Variants in GALNTL6 observed in about 807,000 individuals in gnomAD.
The protein encoded by GALNTL6 is polypeptide N-acetylgalactosaminyltransferase like 6.
Under a neutral mutation model 73.7 loss-of-function variants are expected in GALNTL6, and 46 were observed. The ratio of observed to expected loss-of-function variants is 0.62; its 90% CI spans 0.49 to 0.80. The LOEUF (loss-of-function observed/expected upper bound fraction) is 0.80, where lower values mean the gene tolerates loss of function less well. Among genes scored for constraint, GALNTL6 ranks in the 30% least tolerant of loss-of-function variants. The probability of loss-of-function intolerance (pLI) is 0.00; values close to 1 mark genes in which losing one functional copy is unlikely to be tolerated. For synonymous variants in GALNTL6, 259 were observed against 263.7 expected (o/e 0.98, Z 0.17); for missense variants, 604 against 755.0 (o/e 0.80, Z 2.34).
intron 2 of GALNTL6, among the ~76,000 whole-genome samples, chr4:172,202,765 A>T (rs28715352): frequency 0.042 from 6,398 of 152,278 alleles, 426 homozygotes; most frequent in African/African-American, 0.14. Context: ...AATTATTATG[A>T]AACATCAGCA....
intron 3 of GALNTL6, among the ~76,000 whole-genome samples, chr4:172,236,645 T>C (rs1737253062): frequency 6.6e-6 from 1 of 152,222 alleles, no homozygotes; most frequent in South Asian, 2.1e-4. Flanking sequence ...GTTGTTACAT[T>C]ACATTTCTGT....
intron 10 of GALNTL6, among the ~76,000 whole-genome samples, chr4:172,964,324 A>G (rs1226280059): frequency 6.6e-6 from 1 of 152,200 alleles, no homozygotes; most frequent in African/African-American, 2.4e-5. Flanking sequence ...GCAGAATTCT[A>G]AATATCATGT....
chr4:172,804,827 G>A (rs935662153), intron 5 of GALNTL6, among the ~76,000 whole-genome samples: 1 of 152,208 alleles, frequency 6.6e-6, no homozygotes, highest in Non-Finnish European at 1.5e-5. Context: ...ACAGTGAACT[G>A]TACAAGATCA....
chr4:172,829,605 G>T (rs966752052), intron 7 of GALNTL6, among the ~76,000 whole-genome samples: 4 of 152,198 alleles, frequency 2.6e-5, no homozygotes, highest in African/African-American at 7.2e-5. Flanking sequence ...AACCTAAATT[G>T]CAAGTATTTA....
chr4:171,881,595 T>A (rs1736450724), intron 2 of GALNTL6, among the ~76,000 whole-genome samples: 1 of 152,238 alleles, frequency 6.6e-6, no homozygotes, highest in Non-Finnish European at 1.5e-5. Flanking sequence ...CCAGGATCAA[T>A]ACTTTGTATC....
chr4:171,901,488 A>T (rs906982202), intron 2 of GALNTL6, among the ~76,000 whole-genome samples: 4 of 152,174 alleles, frequency 2.6e-5, no homozygotes, highest in African/African-American at 9.7e-5. Context: ...AAGTAAGGAA[A>T]TATTTTTCTT....
chr4:172,861,879 ATC>A (rs2111138251), intron 7 of GALNTL6, among the ~76,000 whole-genome samples: 1 of 152,322 alleles, frequency 6.6e-6, no homozygotes, highest in East Asian at 1.9e-4. Flanking sequence ...AGTCAATTAA[ATC>A]TCTTTCCTTT....
intron 7 of GALNTL6, among the ~76,000 whole-genome samples, chr4:172,817,303 C>T (rs369762451): frequency 1.3e-5 from 2 of 151,498 alleles, no homozygotes; most frequent in Admixed American, 6.6e-5. Context: ...TGGTGGTGCA[C>T]GCCTGTAGTC....
At chr4:172,929,375 T>G (rs1293659628) in intron 8 of GALNTL6, among the ~76,000 whole-genome samples, 3 of 152,148 alleles carry the variant, frequency 2.0e-5, no homozygotes, top group Non-Finnish European at 4.4e-5. Context: ...CTTTCTCTCT[T>G]TCAATATTAC....
chr4:172,192,732 G>T (rs983353144), intron 2 of GALNTL6, among the ~76,000 whole-genome samples: 2 of 152,200 alleles, frequency 1.3e-5, no homozygotes, highest in African/African-American at 4.8e-5. Context: ...CAAGCACAGA[G>T]CTGTGCAGAT....
At chr4:171,955,388 A>C (rs1051416219) in intron 2 of GALNTL6, among the ~76,000 whole-genome samples, 14 of 151,854 alleles carry the variant, frequency 9.2e-5, no homozygotes, top group East Asian at 7.8e-4. Context: ...CTATCTATAT[A>C]TATATATGTT....
chr4:172,165,870 G>C (rs912972236), intron 2 of GALNTL6, among the ~76,000 whole-genome samples: 1 of 152,010 alleles, frequency 6.6e-6, no homozygotes, highest in South Asian at 2.1e-4. Flanking sequence ...TGATCAGTGT[G>C]TTACATGCAA....
At chr4:172,252,934 TA>T (rs1292257379) in intron 3 of GALNTL6, among the ~76,000 whole-genome samples, 2 of 151,814 alleles carry the variant, frequency 1.3e-5, no homozygotes, top group Non-Finnish European at 2.9e-5. Context: ...CATGTGCTAA[TA>T]AAGGAAAACA....
chr4:172,892,459 T>C (rs1353372557), intron 8 of GALNTL6, among the ~76,000 whole-genome samples: 1 of 152,074 alleles, frequency 6.6e-6, no homozygotes, highest in Admixed American at 6.5e-5. Context: ...TTCACAGGTG[T>C]TGGGTGTTGA....
At chr4:171,870,009 T>C (rs1736091425) in intron 2 of GALNTL6, among the ~76,000 whole-genome samples, 1 of 152,176 alleles carries the variant, frequency 6.6e-6, no homozygotes, top group African/African-American at 2.4e-5. Flanking sequence ...CCTTGCACTA[T>C]CTGGTGAGGG....
chr4:172,290,562 TTA>T (rs1268811281), intron 3 of GALNTL6, among the ~76,000 whole-genome samples: 1 of 152,086 alleles, frequency 6.6e-6, no homozygotes, highest in Non-Finnish European at 1.5e-5. Flanking sequence ...GCTCTCCAAG[TTA>T]TATAGTCTTT....
intron 5 of GALNTL6, among the ~76,000 whole-genome samples, chr4:172,368,534 G>GCCC (rs1742654707): frequency 6.6e-6 from 1 of 152,226 alleles, no homozygotes; most frequent in Non-Finnish European, 1.5e-5. Context: ...CAGGTCTAGA[G>GCCC]ATAGTTCCAA....
chr4:172,589,072 T>G (rs1737538215), intron 5 of GALNTL6, among the ~76,000 whole-genome samples: 1 of 152,308 alleles, frequency 6.6e-6, no homozygotes, highest in African/African-American at 2.4e-5. Flanking sequence ...AGTTAAACAT[T>G]TTATATGGCC....
At chr4:172,386,488 G>A (rs1003223482) in intron 5 of GALNTL6, among the ~76,000 whole-genome samples, 16 of 152,162 alleles carry the variant, frequency 1.1e-4, no homozygotes, top group South Asian at 2.1e-4. Flanking sequence ...AATAAGAGAG[G>A]GAAAGTGAGA....
Sources: allele counts gnomAD v4.1 joint callset (sites outside exome capture counted in the v4.1 genomes callset), GRCh38; gene constraint gnomAD v4.1.1; transcripts MANE v1.5; gene names NCBI Gene and HGNC (gene_info 2026-07-23, HGNC 2026-07-21).